REDIC1: variants seen among roughly 807,000 people sequenced by gnomAD.
The protein encoded by REDIC1 is HEI10 Interacting Protein 1.
the REDIC1 span, among the ~76,000 whole-genome samples, chr12:39,802,937 G>T: frequency 1.3e-5 from 2 of 152,090 alleles, no homozygotes; most frequent in Non-Finnish European, 2.9e-5. Context: ...TCTGGGAAGG[G>T]CAACTCAGTG....
chr12:39,843,257 C>A, the REDIC1 span, among the ~76,000 whole-genome samples: 1 of 151,890 alleles, frequency 6.6e-6, no homozygotes, highest in South Asian at 2.1e-4. Context: ...GATACTGGTA[C>A]AGAATGAGTC....
the REDIC1 span, among the ~76,000 whole-genome samples, chr12:39,860,866 TG>T: frequency 2.6e-5 from 4 of 152,188 alleles, no homozygotes; most frequent in African/African-American, 9.7e-5. Flanking sequence ...CACATGCTCT[TG>T]GTGGCACCCA....
At chr12:39,817,842 C>G in the REDIC1 span, among the ~76,000 whole-genome samples, 5 of 152,068 alleles carry the variant, frequency 3.3e-5, no homozygotes, top group African/African-American at 4.8e-5. Context: ...GTTCCTTGAC[C>G]AGCAAAGAGA....
chr12:39,643,707 C>A, the REDIC1 span: 2 of 1,111,030 alleles, frequency 1.8e-6, no homozygotes, highest in South Asian at 3.3e-5. Context: ...AACATGATTG[C>A]TTTTTTATTA....
At chr12:39,637,584 G>A in the REDIC1 span, among the ~76,000 whole-genome samples, 1 of 152,010 alleles carries the variant, frequency 6.6e-6, no homozygotes, top group Admixed American at 6.6e-5. Flanking sequence ...GATAATTAGA[G>A]CTGTGTTTTA....
the REDIC1 span, among the ~76,000 whole-genome samples, chr12:39,779,864 A>C: frequency 1.8e-4 from 27 of 152,276 alleles, no homozygotes; most frequent in Non-Finnish European, 3.8e-4. Context: ...GTGCCTGCAC[A>C]GTATCTCTGG....
At chr12:39,900,786 G>A in the REDIC1 span, among the ~76,000 whole-genome samples, 11 of 152,172 alleles carry the variant, frequency 7.2e-5, no homozygotes, top group Non-Finnish European at 1.2e-4. Flanking sequence ...TAGATTCAAT[G>A]CCATCCCCAT....
At chr12:39,811,871 A>G in the REDIC1 span, among the ~76,000 whole-genome samples, 1 of 152,164 alleles carries the variant, frequency 6.6e-6, no homozygotes, top group African/African-American at 2.4e-5. Context: ...TTTCATGTCT[A>G]ATTGGACAAC....
At chr12:39,786,372 A>AG in the REDIC1 span, among the ~76,000 whole-genome samples, 4 of 149,998 alleles carry the variant, frequency 2.7e-5, no homozygotes, top group Admixed American at 1.3e-4. Context: ...TTCATCTCCC[A>AG]CCATGATTCT....
At chr12:39,759,187 A>G in the REDIC1 span, 1 of 152,528 alleles carries the variant, frequency 6.6e-6, no homozygotes, top group South Asian at 2.1e-4. Flanking sequence ...AAGATCTGGC[A>G]CTATTTTGCA....
At chr12:39,776,654 A>G in the REDIC1 span, among the ~76,000 whole-genome samples, 1 of 152,142 alleles carries the variant, frequency 6.6e-6, no homozygotes, top group African/African-American at 2.4e-5. Flanking sequence ...TAGAAGAGAA[A>G]CCAAACACAG....
At chr12:39,641,577 T>G in the REDIC1 span, among the ~76,000 whole-genome samples, 1 of 151,614 alleles carries the variant, frequency 6.6e-6, no homozygotes, top group African/African-American at 2.4e-5. Context: ...AGTAGAATGG[T>G]TAAACAAATT....
chr12:39,831,593 C>G, the REDIC1 span, among the ~76,000 whole-genome samples: 2 of 151,974 alleles, frequency 1.3e-5, no homozygotes, highest in Non-Finnish European at 2.9e-5. Context: ...TGGTCCTTTC[C>G]AAATCTCATC....
At chr12:39,859,316 G>GTT in the REDIC1 span, among the ~76,000 whole-genome samples, 3,688 of 94,216 alleles carry the variant, frequency 0.039, 117 homozygotes, top group African/African-American at 0.06. Context: ...AAAGCTGGCA[G>GTT]TTTTTTTTTT....
the REDIC1 span, among the ~76,000 whole-genome samples, chr12:39,823,704 C>T: frequency 2.6e-5 from 4 of 152,160 alleles, no homozygotes; most frequent in African/African-American, 9.7e-5. Flanking sequence ...CTGCTTTCAC[C>T]TCTCGAGTAG....
chr12:39,659,786 T>C, the REDIC1 span, among the ~76,000 whole-genome samples: 1 of 152,210 alleles, frequency 6.6e-6, no homozygotes, highest in Admixed American at 6.5e-5. Flanking sequence ...CTTCTCTTTT[T>C]TGCATTCCTG....
At chr12:39,734,907 C>T in the REDIC1 span, among the ~76,000 whole-genome samples, 4 of 152,130 alleles carry the variant, frequency 2.6e-5, no homozygotes, top group East Asian at 1.9e-4. Flanking sequence ...TGTGTTGACT[C>T]GCTATCTCAA....
At chr12:39,816,259 A>G in the REDIC1 span, among the ~76,000 whole-genome samples, 1 of 152,102 alleles carries the variant, frequency 6.6e-6, no homozygotes, top group African/African-American at 2.4e-5. Context: ...TCTACAAACA[A>G]AAATTTCCTT....
the REDIC1 span, among the ~76,000 whole-genome samples, chr12:39,784,771 C>T: frequency 6.6e-6 from 1 of 152,128 alleles, no homozygotes; most frequent in Non-Finnish European, 1.5e-5. Context: ...AAGAAACTAC[C>T]ATCAGAGTGA....
Sources: gnomAD v4.1 joint callset for allele counts (sites outside exome capture counted in the v4.1 genomes callset) on GRCh38, gnomAD v4.1.1 for gene constraint, MANE v1.5 for transcripts, NCBI Gene and HGNC (gene_info 2026-07-23, HGNC 2026-07-21) for gene names.